Variants in CEP126 observed in about 807,000 individuals in gnomAD.
CEP126 encodes the protein centrosomal protein 126, also known as centrosomal protein of 126 kDa.
In CEP126, 74 loss-of-function variants were observed where a neutral mutation model predicts 107.8. The observed-to-expected ratio is 0.69, with a 90% CI of 0.57 to 0.83. CEP126 has a LOEUF of 0.83. Among genes scored for constraint, CEP126 ranks in the 40% least tolerant of loss-of-function variants. The pLI is 0.00. For synonymous variants in CEP126, 449 were observed against 446.0 expected (o/e 1.01, Z -0.08); for missense variants, 1,237 against 1,281.9 (o/e 0.96, Z 0.53).
intron 9 of CEP126, 110 bp from the exon 10 acceptor site, chr11:101,992,668 C>A: frequency 3.1e-6 from 2 of 642,796 alleles, no homozygotes; most frequent in Non-Finnish European, 5.0e-6. Flanking sequence ...GTGTCTTACT[C>A]AATTTTGAAT....
At position 101,944,468 on chromosome 11, in the gene CEP126, G is replaced by A. The variant is rs1940709885; in HGVS notation, c.394+58G>A. The stretch of plus-strand genomic sequence containing the variant: ...AAAGTTTTAATCTCATTTGACTTGA[G>A]TAGACAATAAAATCGTAAATGAAGA... On this transcript the variant is annotated intron_variant, in intron 3 of 10. Transcript: ENST00000263468. The A allele has an allele frequency of 3.4e-6, 5 of 1,468,662 alleles. No homozygotes were observed. In the South Asian group the frequency reaches 4.0e-5, roughly 12 times the overall value. The allele number at this position is 1,468,662 out of a possible 1,614,324, so 91.0% of individuals were successfully genotyped here.
rs75685473 is a variant in CEP126 at position 101,980,864 on chromosome 11, C to G, written c.2959-1025C>G. Reference sequence around the variant, plus strand: ...TCTCAAGTCTATAATGGAGATCAAACAAGACTATGAGATCTACTGAAGGAG... The same window carrying G: ...TCTCAAGTCTATAATGGAGATCAAAGAAGACTATGAGATCTACTGAAGGAG... On this transcript the variant is annotated intron_variant, in intron 7 of 10. Transcript: ENST00000263468. Among the ~76,000 whole-genome samples, 355 of 152,310 alleles carry G rather than the reference C, an allele frequency of 2.3e-3. 2 individuals are homozygous for G. Among genetic ancestry groups the G allele is most frequent in the Admixed American group, 5.4e-3 (83 of 15,300 alleles).
At chr11:101,927,329 C>A (rs1047409040) in intron 2 of CEP126, among the ~76,000 whole-genome samples, 1 of 152,038 alleles carries the variant, frequency 6.6e-6, no homozygotes, top group African/African-American at 2.4e-5. Context: ...TTAAATTAAA[C>A]CAAATTAAAC....
At chr11:101,941,819 T>C (rs1940669408) in intron 2 of CEP126, among the ~76,000 whole-genome samples, 1 of 152,148 alleles carries the variant, frequency 6.6e-6, no homozygotes, top group Non-Finnish European at 1.5e-5. Flanking sequence ...TTTATTTAGT[T>C]TTGTTTTTTA....
chr11:101,923,868 T>C, intron 2 of CEP126, among the ~76,000 whole-genome samples: 1 of 152,198 alleles, frequency 6.6e-6, no homozygotes, highest in East Asian at 1.9e-4. Context: ...TGATTGGAAT[T>C]AATTACATCT....
intron 7 of CEP126, among the ~76,000 whole-genome samples, chr11:101,979,474 G>A (rs748408083): frequency 3.3e-5 from 5 of 152,144 alleles, no homozygotes; most frequent in South Asian, 4.1e-4. Flanking sequence ...ATGGCCAGGC[G>A]TGGTGGCTCA....
At chr11:101,971,125 G>T (rs947327177) in intron 6 of CEP126, among the ~76,000 whole-genome samples, 2 of 152,046 alleles carry the variant, frequency 1.3e-5, no homozygotes, top group Non-Finnish European at 1.5e-5. Flanking sequence ...GCACCACCAT[G>T]CCTGGCTAAT....
chr11:101,920,875 G>T (rs1038850797), intron 1 of CEP126, among the ~76,000 whole-genome samples: 2 of 151,936 alleles, frequency 1.3e-5, no homozygotes, highest in African/African-American at 4.8e-5. Context: ...CAAATTGTTG[G>T]GATTACAGGT....
In CEP126 at chr11:101,953,594, A is replaced by G. The variant is rs1940842109; in HGVS notation, c.507-4574A>G. On this transcript the variant is annotated intron_variant, in intron 4 of 10. Coordinates refer to ENST00000263468, the MANE Select transcript of CEP126 (RefSeq NM_020802.4). ...AAGGAACAACCAGAGAAGTAAGAAA[A>G]TAAATGGGAAATGTGATGATGCGGA... 2.6e-5 allele frequency among the ~76,000 whole-genome samples: 4 copies of G among 152,230 alleles called. No homozygotes were observed. In the South Asian group the frequency reaches 8.3e-4, roughly 32 times the overall value.
chr11:101,997,623 A>C lies in CEP126; in HGVS notation c.3334A>C (p.Ser1112Arg). The C allele has an allele frequency of 6.2e-7, 1 of 1,613,992 alleles. No individual in the cohort carries two copies. Among genetic ancestry groups the C allele is most frequent in the Non-Finnish European group, 8.5e-7 (1 of 1,179,898 alleles). Residue 1112 changes from serine (S) to arginine (R), a missense_variant, in exon 11 of 11, where the codon AGC becomes CGC. Around this residue, in one of 3 missense-constraint regions of CEP126, gnomAD observed 99 missense variants for 114.4 expected, o/e 0.87. Transcript: ENST00000263468. ...LLEKREDRTS[S>R]CRDKR is the part of the protein sequence containing the mutation. ...GGAGAAGAGAGAAGATAGAACCAGC[A>C]GCTGCAGAGACAAGAGATAATTCCA...
At chr11:101,948,903 T>G (rs1940775024) in intron 4 of CEP126, among the ~76,000 whole-genome samples, 1 of 152,200 alleles carries the variant, frequency 6.6e-6, no homozygotes, top group African/African-American at 2.4e-5. Flanking sequence ...TAAATTATGT[T>G]AATATTTTAC....
chr11:101,928,873 C>T lies in CEP126; in HGVS notation c.248+6113C>T, dbSNP rs1018373877. 2.0e-5 allele frequency among the ~76,000 whole-genome samples: 3 copies of T among 151,974 alleles called. No homozygotes were observed. The South Asian group carries it at 6.2e-4, about 32-fold the overall frequency. ...TTGTTTTAGGTGTTCTAATCTTTGCCTTTGAATATGAAATTTAGAATAATA... is the reference window on the plus strand; with the variant it reads ...TTGTTTTAGGTGTTCTAATCTTTGCTTTTGAATATGAAATTTAGAATAATA... On this transcript the variant is annotated intron_variant, in intron 2 of 10. Transcript: ENST00000263468.
At chr11:101,921,933 C>A (rs1940334760) in intron 1 of CEP126, among the ~76,000 whole-genome samples, 1 of 149,090 alleles carries the variant, frequency 6.7e-6, no homozygotes, top group Non-Finnish European at 1.5e-5. Flanking sequence ...TTACAGGTAC[C>A]CGCCACCACG....
At chr11:101,957,048 G>T (rs1940909050) in intron 4 of CEP126, 1 of 273,350 alleles carries the variant, frequency 3.7e-6, no homozygotes, top group Non-Finnish European at 7.1e-6. Flanking sequence ...AGTGTAAAAG[G>T]AAGAGACAGA....
chr11:101,996,403 AT>A (rs2137139718), intron 10 of CEP126, among the ~76,000 whole-genome samples: 1 of 152,250 alleles, frequency 6.6e-6, no homozygotes, highest in African/African-American at 2.4e-5. Flanking sequence ...AGCAGGCTAC[AT>A]TTTTATCCCT....
At position 101,958,218 on chromosome 11, in the gene CEP126, A is replaced by G; in HGVS notation, c.557A>G (p.His186Arg). The change falls in exon 5 of 11, where the codon CAT becomes CGT. Residue 186 changes from histidine (H) to arginine (R), a missense_variant. Around this residue, in one of 3 missense-constraint regions of CEP126, gnomAD observed 1,134 missense variants for 1,150.5 expected, o/e 0.99. Coordinates refer to ENST00000263468, the MANE Select transcript of CEP126 (RefSeq NM_020802.4). ...GCATTATCAAAAAATGATCACAAGC[A>G]TCAGAAACAACTCTTATCCAAAATC... ...PSALSKNDHK[H>R]QKQLLSKINC... The G allele has an allele frequency of 6.2e-7, 1 of 1,614,030 alleles. No homozygotes were observed. The highest frequency in any genetic ancestry group is 1.7e-5 in the Admixed American group (1 of 60,024).
intron 5 of CEP126, 149 bp downstream of exon 5, chr11:101,958,515 G>C: frequency 1.6e-6 from 1 of 629,970 alleles, no homozygotes. Flanking sequence ...ATTCATCATA[G>C]AAACTATAGA....
At chr11:101,943,410 A>G (rs547895577) in intron 2 of CEP126, among the ~76,000 whole-genome samples, 1 of 152,182 alleles carries the variant, frequency 6.6e-6, no homozygotes, top group Non-Finnish European at 1.5e-5. Flanking sequence ...TAAAAATTCT[A>G]AAAGAGTTCT....
At chr11:101,927,593 T>C (rs896400532) in intron 2 of CEP126, among the ~76,000 whole-genome samples, 1 of 152,192 alleles carries the variant, frequency 6.6e-6, no homozygotes, top group African/African-American at 2.4e-5. Context: ...AAATCACTAA[T>C]ATGATGTTCT....
Sources: gnomAD v4.1 joint callset for allele counts (sites outside exome capture counted in the v4.1 genomes callset) on GRCh38, gnomAD v4.1.1 for gene constraint, gnomAD v4.1.1 regional missense constraint, MANE v1.5 for transcripts, NCBI Gene and HGNC (gene_info 2026-07-23, HGNC 2026-07-21) for gene names.